Variants in ZNF439 observed in about 807,000 individuals in gnomAD.
The protein encoded by ZNF439 is zinc finger protein 439.
In ZNF439, 40 loss-of-function variants were observed where a neutral mutation model predicts 47.3. That is an observed-to-expected ratio of 0.85 (90% CI 0.66 to 1.10). The LOEUF is 1.10. Among genes scored for constraint, ZNF439 ranks in the 50% least tolerant of loss-of-function variants. The probability of loss-of-function intolerance (pLI) is 0.00; values close to 1 mark genes in which losing one functional copy is unlikely to be tolerated. For missense variants in ZNF439, 556 were observed against 601.1 expected, an observed-to-expected ratio of 0.93 and a Z score of 0.78; for synonymous variants, 171 against 198.8, an observed-to-expected ratio of 0.86 and a Z score of 1.18.
At chr19:11,864,236 A>T (rs1976614242) in intron 1 of ZNF439, among the ~76,000 whole-genome samples, 1 of 152,184 alleles carries the variant, frequency 6.6e-6, no homozygotes, top group Non-Finnish European at 1.5e-5. Flanking sequence ...GAAATGGAAC[A>T]GTGGGCTCAA....
At position 11,866,552 on chromosome 19, in the gene ZNF439, AC is replaced by A; in HGVS notation, c.208del (p.Gln70ArgfsTer43). ...TGTATTTTAGGAAAAAAGTGGAAAGACCAGAACATTGAATATGAGTACCAAA... is the reference window on the plus strand; with the variant it reads ...TGTATTTTAGGAAAAAAGTGGAAAGACAGAACATTGAATATGAGTACCAAA... ...NLTSIGKKWK[D>X]QNIEYEYQNP... On this transcript the variant is annotated frameshift_variant, in exon 3 of 4. Transcript: ENST00000682736. LOFTEE classifies it high-confidence loss of function. The A allele has an allele frequency of 6.2e-7, 1 of 1,613,598 alleles. No homozygotes were observed. The highest frequency in any genetic ancestry group is 2.2e-5 in the East Asian group (1 of 44,868).
intron 1 of ZNF439, among the ~76,000 whole-genome samples, chr19:11,852,181 T>G (rs913984209): frequency 2.0e-5 from 3 of 152,100 alleles, no homozygotes; most frequent in African/African-American, 7.2e-5. Flanking sequence ...ACCCCAGCAC[T>G]TTGGGAGGCT....
chr19:11,854,197 G>A (rs1035131000), intron 1 of ZNF439, among the ~76,000 whole-genome samples: 6 of 152,196 alleles, frequency 3.9e-5, no homozygotes, highest in Non-Finnish European at 7.3e-5. Context: ...AGCCACACTT[G>A]GTTGGCTGTA....
In ZNF439 at chr19:11,867,541, TGGAAG is replaced by T. The variant is rs1976722949; in HGVS notation, c.488_492del (p.Trp163Ter). 6 of 1,613,996 alleles carry T rather than the reference TGGAAG, an allele frequency of 3.7e-6. No homozygotes were observed. The African/African-American group carries it at 6.7e-5, about 18-fold the overall frequency. The stretch of plus-strand genomic sequence containing the variant: ...ATGTCAGGAATATGGACCAAAGCCA[TGGAAG>T]AGTCAACAACCTAAAAAAGCCTTCA... On this transcript the variant is annotated frameshift_variant, in exon 4 of 4. Transcript: ENST00000682736. LOFTEE classifies it high-confidence loss of function.
chr19:11,861,140 C>G (rs1976529241), intron 1 of ZNF439, among the ~76,000 whole-genome samples: 1 of 152,212 alleles, frequency 6.6e-6, no homozygotes, highest in Admixed American at 6.5e-5. Flanking sequence ...CACAGCCTAA[C>G]TCTTCAAGGG....
chr19:11,860,712 A>C (rs1397101358), intron 1 of ZNF439, among the ~76,000 whole-genome samples: 1 of 151,946 alleles, frequency 6.6e-6, no homozygotes, highest in Non-Finnish European at 1.5e-5. Context: ...TTTATTGATT[A>C]AAGGAGATAG....
At chr19:11,867,194 A>T (rs1203056900) in intron 3 of ZNF439, 112 bp from the exon 4 acceptor site, 29 of 1,265,302 alleles carry the variant, frequency 2.3e-5, no homozygotes, top group Non-Finnish European at 3.0e-5. Flanking sequence ...CAGACAGGGC[A>T]GAAAGCCTAC....
At chr19:11,857,586 C>T (rs1211770966) in intron 1 of ZNF439, 1 of 152,234 alleles carries the variant, frequency 6.6e-6, no homozygotes, top group African/African-American at 2.4e-5. Flanking sequence ...GCTGAAGCAT[C>T]TGTTCTACAA....
Position 11,848,769 on chromosome 19 carries a change from C to A in ZNF439, c.-99C>A. On this transcript the variant is annotated 5_prime_UTR_variant, in exon 1 of 4. Coordinates refer to ENST00000682736, the MANE Select transcript of ZNF439 (RefSeq NM_001348719.2). ...GAGGATGTTGCATTCCTGCCGTCAC[C>A]TTTGTCGCTGCGAGGGCGGCGGTTG... The A allele has an allele frequency of 7.6e-7, 1 of 1,317,326 alleles. No individual in the cohort carries two copies. Among genetic ancestry groups the A allele is most frequent in the African/African-American group, 1.5e-5 (1 of 64,932 alleles). The allele number at this position is 1,317,326 out of a possible 1,614,324, so 81.6% of individuals were successfully genotyped here.
Position 11,848,933 on chromosome 19 carries a change from G to C in ZNF439, c.63+3G>C. On this transcript the variant is annotated splice_donor_region_variant and intron_variant, in intron 1 of 3. Coordinates refer to ENST00000682736, the MANE Select transcript of ZNF439 (RefSeq NM_001348719.2). The stretch of plus-strand genomic sequence containing the variant: ...GTACATCTGAAAGCCGGGAAATGGT[G>C]CGTGTGCTGGCCGGGAGTGGTGCGA... The C allele has an allele frequency of 6.4e-7, 1 of 1,562,728 alleles. No individual in the cohort carries two copies. Among genetic ancestry groups the C allele is most frequent in the Non-Finnish European group, 8.7e-7 (1 of 1,147,876 alleles).
chr19:11,850,645 A>G (rs1387962495), intron 1 of ZNF439: 1 of 152,200 alleles, frequency 6.6e-6, no homozygotes, highest in African/African-American at 2.4e-5. Context: ...CTGAAAAAAG[A>G]GGTCCTGATC....
At chr19:11,856,716 G>C (rs907943722) in intron 1 of ZNF439, 3 of 152,278 alleles carry the variant, frequency 2.0e-5, no homozygotes. Flanking sequence ...TGAAACATAC[G>C]AGTAAGGGCG....
Position 11,868,810 on chromosome 19 carries a change from A to G in ZNF439, c.*241A>G, listed in dbSNP as rs1976789514. On this transcript the variant is annotated 3_prime_UTR_variant, in exon 4 of 4. Transcript: ENST00000682736. Reference sequence around the variant, plus strand: ...TATGAAAGGACACACACTGGAGAGAAACCCTATGAATGTAAGAAATGTGGA... The same window carrying G: ...TATGAAAGGACACACACTGGAGAGAGACCCTATGAATGTAAGAAATGTGGA... 1.3e-5 allele frequency: 8 copies of G among 594,882 alleles called. No individual in the cohort carries two copies. In the East Asian group the frequency reaches 2.4e-4, roughly 18 times the overall value. 36.9% of individuals were successfully genotyped at this position (594,882 alleles called of 1,614,324 possible). A position where few individuals can be genotyped will look rare whatever the true frequency, so the allele number is the denominator to read the frequency against.
intron 1 of ZNF439, chr19:11,857,998 C>T (rs1256147487): frequency 6.6e-6 from 1 of 152,120 alleles, no homozygotes; most frequent in Non-Finnish European, 1.5e-5. Flanking sequence ...GAAACATATT[C>T]AGAGTCTCCT....
At chr19:11,865,010 C>T (rs1478145573) in intron 1 of ZNF439, among the ~76,000 whole-genome samples, 1 of 152,164 alleles carries the variant, frequency 6.6e-6, no homozygotes, top group Non-Finnish European at 1.5e-5. Context: ...GAACTCCCAA[C>T]CTCAGGTGAT....
chr19:11,852,952 G>C (rs559788694), intron 1 of ZNF439, among the ~76,000 whole-genome samples: 33 of 151,354 alleles, frequency 2.2e-4, no homozygotes, highest in Non-Finnish European at 3.8e-4. Flanking sequence ...TTTTTGAGAC[G>C]AAGTTTCACT....
chr19:11,849,096 CTCCGGGCG>C, intron 1 of ZNF439, 166 bp downstream of exon 1: 1 of 1,205,092 alleles, frequency 8.3e-7, no homozygotes, highest in Admixed American at 3.7e-5. Context: ...GCAGCCGGGA[CTCCGGGCG>C]TCCTGTCCCG....
Position 11,868,211 on chromosome 19 carries a change from C to T in ZNF439, c.1157C>T (p.Pro386Leu), listed in dbSNP as rs529869578. The stretch of plus-strand genomic sequence containing the variant: ...GAAAAAACTCACAGTGGAGAGAAAC[C>T]GTATAAATGCAAGCAATGTGGTAAA... ...RHEKTHSGEK[P>L]YKCKQCGKAF... The change falls in exon 4 of 4, where the codon CCG becomes CTG. Residue 386 changes from proline (P) to leucine (L), a missense_variant. By Grantham distance (98) the Pro-to-Leu change is moderately conservative. Coordinates refer to ENST00000682736, the MANE Select transcript of ZNF439 (RefSeq NM_001348719.2). 2.5e-5 allele frequency: 40 copies of T among 1,613,932 alleles called. No homozygotes were observed. Among genetic ancestry groups the T allele is most frequent in the East Asian group, 4.5e-5 (2 of 44,852 alleles).
At chr19:11,853,733 A>G (rs1175998228) in intron 1 of ZNF439, among the ~76,000 whole-genome samples, 1 of 152,216 alleles carries the variant, frequency 6.6e-6, no homozygotes, top group Non-Finnish European at 1.5e-5. Context: ...CTGTTTATGC[A>G]TTAATTGAAT....
Sources: allele counts gnomAD v4.1 joint callset (sites outside exome capture counted in the v4.1 genomes callset), GRCh38; gene constraint gnomAD v4.1.1; transcripts MANE v1.5; gene names NCBI Gene and HGNC (gene_info 2026-07-23, HGNC 2026-07-21).